UBE2E2: variants seen among roughly 807,000 people sequenced by gnomAD.
UBE2E2 encodes the protein ubiquitin conjugating enzyme E2 E2.
In UBE2E2, 6 loss-of-function variants were observed where a neutral mutation model predicts 24.7. The ratio of observed to expected loss-of-function variants is 0.24; its 90% CI spans 0.13 to 0.48. UBE2E2 has a LOEUF of 0.48. Among genes scored for constraint, UBE2E2 ranks in the 20% least tolerant of loss-of-function variants. The pLI is 0.99. For missense variants in UBE2E2, 169 were observed against 245.0 expected, an observed-to-expected ratio of 0.69 and a Z score of 2.07; for synonymous variants, 104 against 83.6, an observed-to-expected ratio of 1.24 and a Z score of -1.33.
At chr3:23,568,593 A>C (rs1020920028) in intron 5 of UBE2E2, among the ~76,000 whole-genome samples, 1 of 86,664 alleles carries the variant, frequency 1.2e-5, no homozygotes, top group African/African-American at 4.6e-5. Flanking sequence ...AATTATATAC[A>C]TATATATGTA....
At chr3:23,251,161 T>A (rs1697563921) in intron 3 of UBE2E2, among the ~76,000 whole-genome samples, 1 of 152,190 alleles carries the variant, frequency 6.6e-6, no homozygotes, top group South Asian at 2.1e-4. Context: ...AGCTTTTAAT[T>A]CATCGTGTGT....
At chr3:23,346,371 A>G (rs1450849124) in intron 3 of UBE2E2, among the ~76,000 whole-genome samples, 1 of 150,912 alleles carries the variant, frequency 6.6e-6, no homozygotes, top group African/African-American at 2.5e-5. Flanking sequence ...TTGCTTTCAG[A>G]TACTATCATC....
At position 23,510,865 on chromosome 3, in the gene UBE2E2, T is replaced by G. The variant is rs376608860; in HGVS notation, c.360+11125T>G. Among the ~76,000 whole-genome samples the G allele has an allele frequency of 1.8e-3, 277 of 152,216 alleles. 1 individual carries two copies. Among genetic ancestry groups the G allele is most frequent in the African/African-American group, 6.4e-3 (267 of 41,544 alleles). ...CCTTGATATATAAAGATGAGTAAGATACAGCCCTGGAAGCATGGAGACAGA... is the reference window on the plus strand; with the variant it reads ...CCTTGATATATAAAGATGAGTAAGAGACAGCCCTGGAAGCATGGAGACAGA... On this transcript the variant is annotated intron_variant, in intron 4 of 5. Transcript: ENST00000396703.
intron 4 of UBE2E2, among the ~76,000 whole-genome samples, chr3:23,512,674 G>A (rs1694630683): frequency 1.3e-5 from 2 of 152,176 alleles, no homozygotes; most frequent in Admixed American, 6.5e-5. Flanking sequence ...ACTGCGCTCA[G>A]TGGCTCATGC....
At chr3:23,351,943 C>G (rs1695768009) in intron 3 of UBE2E2, among the ~76,000 whole-genome samples, 1 of 152,100 alleles carries the variant, frequency 6.6e-6, no homozygotes, top group South Asian at 2.1e-4. Context: ...TTTTTCAGCA[C>G]CACACCACAC....
At chr3:23,491,173 A>G (rs554814504) in intron 3 of UBE2E2, among the ~76,000 whole-genome samples, 1 of 152,194 alleles carries the variant, frequency 6.6e-6, no homozygotes, top group Non-Finnish European at 1.5e-5. Flanking sequence ...TTTAAAAAAA[A>G]ATTAATGAAT....
At chr3:23,218,145 G>T (rs1385733734) in intron 3 of UBE2E2, among the ~76,000 whole-genome samples, 2 of 152,070 alleles carry the variant, frequency 1.3e-5, no homozygotes, top group Admixed American at 6.6e-5. Flanking sequence ...TTGAACGCAG[G>T]TAGAATTTAT....
intron 4 of UBE2E2, among the ~76,000 whole-genome samples, chr3:23,520,599 T>G (rs1322216714): frequency 6.6e-6 from 1 of 152,206 alleles, no homozygotes; most frequent in Admixed American, 6.5e-5. Context: ...AACTCTATAA[T>G]AGCTGTAAAT....
intron 3 of UBE2E2, among the ~76,000 whole-genome samples, chr3:23,427,948 A>G (rs1285838888): frequency 2.0e-5 from 3 of 152,248 alleles, no homozygotes; most frequent in African/African-American, 4.8e-5. Context: ...ATAAAGAGAA[A>G]TAGATGATTT....
intron 3 of UBE2E2, among the ~76,000 whole-genome samples, chr3:23,490,877 A>T (rs911653523): frequency 6.6e-6 from 1 of 152,178 alleles, no homozygotes; most frequent in East Asian, 1.9e-4. Context: ...AGCCAAAATC[A>T]TTTTTTTCAT....
At chr3:23,376,898 A>T (rs1575593786) in intron 3 of UBE2E2, among the ~76,000 whole-genome samples, 1 of 152,250 alleles carries the variant, frequency 6.6e-6, no homozygotes, top group East Asian at 1.9e-4. Context: ...TCGCAAGGGG[A>T]GGGGTACCAC....
At chr3:23,453,331 C>T (rs1191179258) in intron 3 of UBE2E2, among the ~76,000 whole-genome samples, 4 of 151,738 alleles carry the variant, frequency 2.6e-5, no homozygotes, top group Non-Finnish European at 5.9e-5. Context: ...TGTTTGGAGG[C>T]TCTCCATTTG....
In UBE2E2 at chr3:23,244,602, A is replaced by T. The variant is rs142400081; in HGVS notation, c.227+27290A>T. ...TACAGAGAAGATTAGTAAATAACAT[A>T]GCAATGTGTGAGGCTGGCCAATTGT... On this transcript the variant is annotated intron_variant, in intron 3 of 5. Transcript: ENST00000396703. 1.4e-3 allele frequency among the ~76,000 whole-genome samples: 214 copies of T among 152,304 alleles called. 2 individuals are homozygous for T. Among genetic ancestry groups the T allele is most frequent in the East Asian group, 1.9e-3 (10 of 5,190 alleles).
chr3:23,526,623 A>G (rs1485241090), intron 4 of UBE2E2, among the ~76,000 whole-genome samples: 1 of 152,182 alleles, frequency 6.6e-6, no homozygotes, highest in Non-Finnish European at 1.5e-5. Context: ...CAAAGAGGAG[A>G]TTGCTTACAT....
intron 3 of UBE2E2, among the ~76,000 whole-genome samples, chr3:23,468,949 A>G (rs1265551042): frequency 6.6e-6 from 1 of 152,188 alleles, no homozygotes; most frequent in Non-Finnish European, 1.5e-5. Context: ...TGTGGATCTT[A>G]TGTGACCTCA....
chr3:23,219,804 C>T (rs1366350909), intron 3 of UBE2E2, among the ~76,000 whole-genome samples: 1 of 152,152 alleles, frequency 6.6e-6, no homozygotes, highest in African/African-American at 2.4e-5. Flanking sequence ...TGTGAGGGAA[C>T]ATCTGTGGGT....
At chr3:23,468,837 C>T (rs1031972212) in intron 3 of UBE2E2, among the ~76,000 whole-genome samples, 1 of 152,158 alleles carries the variant, frequency 6.6e-6, no homozygotes, top group Non-Finnish European at 1.5e-5. Context: ...GTGACAAAAT[C>T]CATCTCACAA....
At chr3:23,443,828 G>T (rs761444778) in intron 3 of UBE2E2, among the ~76,000 whole-genome samples, 1 of 152,082 alleles carries the variant, frequency 6.6e-6, no homozygotes, top group East Asian at 1.9e-4. Context: ...TCCATACTAC[G>T]ATATGAGGCC....
intron 5 of UBE2E2, among the ~76,000 whole-genome samples, chr3:23,548,563 G>T (rs1214038666): frequency 2.0e-5 from 3 of 152,122 alleles, no homozygotes; most frequent in Non-Finnish European, 4.4e-5. Context: ...GAACTTTGCG[G>T]TGTATTCTTG....
Sources: allele counts gnomAD v4.1 joint callset (sites outside exome capture counted in the v4.1 genomes callset), GRCh38; gene constraint gnomAD v4.1.1; transcripts MANE v1.5; gene names NCBI Gene and HGNC (gene_info 2026-07-23, HGNC 2026-07-21).